Variants in CFAP58 observed in about 807,000 individuals in gnomAD.
CFAP58 encodes the protein cilia and flagella associated protein 58.
A neutral mutation model predicts 119.5 loss-of-function variants in CFAP58; 88 were observed. The ratio of observed to expected loss-of-function variants is 0.74; its 90% CI spans 0.62 to 0.88. The LOEUF is 0.88. Ranked by LOEUF, CFAP58 falls within the 40% of genes least tolerant of loss-of-function variation. The pLI, the probability that CFAP58 is intolerant of heterozygous loss-of-function variation, is 0.00. For missense variants in CFAP58, 990 were observed against 1,021.2 expected, an observed-to-expected ratio of 0.97 and a Z score of 0.42; for synonymous variants, 365 against 366.3, an observed-to-expected ratio of 1.00 and a Z score of 0.04.
At chr10:104,353,724 G>GC, upstream of CFAP58, 1 of 584,182 alleles carries the variant, frequency 1.7e-6, no homozygotes, top group Non-Finnish European at 3.0e-6. Flanking sequence ...TCCCGCTAGC[G>GC]CCCCTAGAGG....
chr10:104,383,503 A>G (rs1286230195), intron 9 of CFAP58, among the ~76,000 whole-genome samples: 3 of 152,180 alleles, frequency 2.0e-5, no homozygotes, highest in Non-Finnish European at 4.4e-5. Flanking sequence ...TGTAAAAGAG[A>G]GATTCGGATA....
chr10:104,376,153 T>G (rs1448944679), intron 7 of CFAP58, among the ~76,000 whole-genome samples: 1 of 152,184 alleles, frequency 6.6e-6, no homozygotes, highest in South Asian at 2.1e-4. Flanking sequence ...TGGGGTTAAA[T>G]ATTTCGATTT....
intron 17 of CFAP58, among the ~76,000 whole-genome samples, chr10:104,450,765 G>A (rs552633098): frequency 1.5e-4 from 22 of 150,246 alleles, no homozygotes; most frequent in Non-Finnish European, 2.7e-4. Flanking sequence ...GGCTGGTCTT[G>A]AACTCCTGGC....
rs541313430 is a variant in CFAP58, at chr10:104,358,008, C to T, written c.10-333C>T. Among the ~76,000 whole-genome samples, 50 of 130,600 alleles carry T rather than the reference C, an allele frequency of 3.8e-4. 1 individual carries two copies. Among genetic ancestry groups the T allele is most frequent in the Admixed American group, 2.2e-3 (30 of 13,598 alleles). The allele number at this position is 130,600 out of a possible 152,430, so 85.7% of individuals were successfully genotyped here. ...GTACACATATATGTACACATATATA[C>T]ACATATATGTACATATATATACATA... On this transcript the variant is annotated intron_variant, in intron 1 of 17. Coordinates refer to ENST00000369704, the MANE Select transcript of CFAP58 (RefSeq NM_001008723.2).
At chr10:104,421,600 G>T (rs2012659080) in intron 15 of CFAP58, among the ~76,000 whole-genome samples, 1 of 152,170 alleles carries the variant, frequency 6.6e-6, no homozygotes, top group Admixed American at 6.5e-5. Context: ...AAAATTCCCA[G>T]CTCAATAGAC....
rs192793638 is a variant in CFAP58 at position 104,402,257 on chromosome 10, G to A, written c.2039+1354G>A. 2.6e-3 allele frequency among the ~76,000 whole-genome samples: 392 copies of A among 152,270 alleles called. 2 individuals are homozygous for A. The highest frequency in any genetic ancestry group is 8.8e-3 in the African/African-American group (367 of 41,560). On this transcript the variant is annotated intron_variant, in intron 13 of 17. Coordinates refer to ENST00000369704, the MANE Select transcript of CFAP58 (RefSeq NM_001008723.2). ...TATAGAGTCTAGTACAAAGCAGGCCGTCAAATACGGTAGCTAATATTTCTG... is the reference window on the plus strand; with the variant it reads ...TATAGAGTCTAGTACAAAGCAGGCCATCAAATACGGTAGCTAATATTTCTG...
At chr10:104,357,342 C>T (rs2014556178) in intron 1 of CFAP58, among the ~76,000 whole-genome samples, 1 of 152,126 alleles carries the variant, frequency 6.6e-6, no homozygotes, top group Admixed American at 6.5e-5. Flanking sequence ...CACTGTGGGG[C>T]ATGACCTAGC....
chr10:104,368,346 G>T, intron 5 of CFAP58, 77 bp from the exon 6 acceptor site: 2 of 1,461,340 alleles, frequency 1.4e-6, no homozygotes, highest in South Asian at 1.3e-5. Context: ...CAGGAGGTTT[G>T]TGGGGCCCCC....
intron 9 of CFAP58, among the ~76,000 whole-genome samples, chr10:104,380,568 C>T (rs2011771811): frequency 6.6e-6 from 1 of 152,122 alleles, no homozygotes; most frequent in Non-Finnish European, 1.5e-5. Context: ...CCGCACCCAC[C>T]CAGCATCTGT....
chr10:104,371,682 A>G (rs2014825636), intron 7 of CFAP58, among the ~76,000 whole-genome samples: 1 of 152,234 alleles, frequency 6.6e-6, no homozygotes, highest in African/African-American at 2.4e-5. Context: ...AAGTGAACAC[A>G]GAGCACTTGT....
intron 5 of CFAP58, 39 bp downstream of exon 5, chr10:104,366,047 AC>A (rs1418930578): frequency 2.0e-6 from 3 of 1,489,244 alleles, no homozygotes; most frequent in East Asian, 4.9e-5. Flanking sequence ...ACCAAGAAAA[AC>A]CCAGAATGGC....
chr10:104,344,158 T>G, the CFAP58 span, among the ~76,000 whole-genome samples: 2 of 152,248 alleles, frequency 1.3e-5, no homozygotes, highest in Admixed American at 1.3e-4. Flanking sequence ...GAAAGAACAG[T>G]CAGATGATTG....
intron 15 of CFAP58, among the ~76,000 whole-genome samples, chr10:104,427,993 C>G (rs926901086): frequency 6.6e-6 from 1 of 152,162 alleles, no homozygotes; most frequent in African/African-American, 2.4e-5. Flanking sequence ...ATGACATTTC[C>G]TATGCAAACA....
intron 15 of CFAP58, among the ~76,000 whole-genome samples, chr10:104,412,011 T>C (rs2012469361): frequency 6.6e-6 from 1 of 152,144 alleles, no homozygotes; most frequent in Non-Finnish European, 1.5e-5. Flanking sequence ...AGAGCTGCAA[T>C]ATATATCTAT....
chr10:104,361,312 G>A (rs1160890344), intron 2 of CFAP58, among the ~76,000 whole-genome samples: 1 of 152,192 alleles, frequency 6.6e-6, no homozygotes, highest in Non-Finnish European at 1.5e-5. Context: ...AGCATTTGAT[G>A]AGAAGGCTTG....
intron 9 of CFAP58, among the ~76,000 whole-genome samples, chr10:104,383,485 G>A (rs1261907139): frequency 2.6e-5 from 4 of 151,998 alleles, no homozygotes; most frequent in African/African-American, 9.7e-5. Flanking sequence ...TATATTTCTT[G>A]GCTTCCTTGT....
intron 8 of CFAP58, among the ~76,000 whole-genome samples, chr10:104,379,385 A>G (rs1439801367): frequency 6.6e-6 from 1 of 152,176 alleles, no homozygotes. Flanking sequence ...CTGTGTGGAT[A>G]TACTATATTT....
chr10:104,388,717 A>G (rs1182401558), intron 9 of CFAP58, among the ~76,000 whole-genome samples: 1 of 152,172 alleles, frequency 6.6e-6, no homozygotes, highest in Non-Finnish European at 1.5e-5. Context: ...CTACTTTCTA[A>G]TCCCACCTTG....
chr10:104,372,293 C>A (rs1012852240), intron 7 of CFAP58, among the ~76,000 whole-genome samples: 13 of 152,036 alleles, frequency 8.6e-5, no homozygotes, highest in Non-Finnish European at 1.5e-4. Flanking sequence ...GTGGAGGTTG[C>A]AGTGAGCTGA....
Sources: allele counts gnomAD v4.1 joint callset (sites outside exome capture counted in the v4.1 genomes callset), GRCh38; gene constraint gnomAD v4.1.1; transcripts MANE v1.5; gene names NCBI Gene and HGNC (gene_info 2026-07-23, HGNC 2026-07-21).